Variants in SLIT2 observed in about 807,000 individuals in gnomAD.
SLIT2 encodes the protein slit guidance ligand 2.
A neutral mutation model predicts 185.7 loss-of-function variants in SLIT2; 41 were observed. The ratio of observed to expected loss-of-function variants is 0.22; its 90% CI spans 0.17 to 0.29. SLIT2 has a LOEUF of 0.29. Ranked by LOEUF, SLIT2 falls within the 10% of genes least tolerant of loss-of-function variation. SLIT2 has a pLI of 1.00. For synonymous variants in SLIT2, 693 were observed against 680.2 expected (o/e 1.02, Z -0.29); for missense variants, 1,571 against 1,909.0 (o/e 0.82, Z 3.30).
At chr4:20,341,159 A>G (rs1720932176) in intron 4 of SLIT2, among the ~76,000 whole-genome samples, 1 of 152,210 alleles carries the variant, frequency 6.6e-6, no homozygotes, top group African/African-American at 2.4e-5. Context: ...GGAGTATTTG[A>G]AAGTATATTG....
intron 4 of SLIT2, among the ~76,000 whole-genome samples, chr4:20,330,953 T>C (rs1212411904): frequency 6.6e-6 from 1 of 152,100 alleles, no homozygotes; most frequent in South Asian, 2.1e-4. Flanking sequence ...TTAATTGCAG[T>C]TCTCTTCAAA....
intron 19 of SLIT2, among the ~76,000 whole-genome samples, 178 bp from the exon 20 acceptor site, chr4:20,541,275 C>A (rs987261232): frequency 2.9e-4 from 44 of 149,206 alleles, no homozygotes; most frequent in African/African-American, 1.0e-3. Context: ...AATATTTTAT[C>A]AAAAAAAAAA....
At chr4:20,318,896 A>G (rs1157786751) in intron 4 of SLIT2, among the ~76,000 whole-genome samples, 1 of 152,134 alleles carries the variant, frequency 6.6e-6, no homozygotes, top group Non-Finnish European at 1.5e-5. Context: ...CTTCTTACGT[A>G]TGGTTAAGTA....
At chr4:20,432,086 A>C (rs1729039527) in intron 4 of SLIT2, among the ~76,000 whole-genome samples, 1 of 152,014 alleles carries the variant, frequency 6.6e-6, no homozygotes, top group Non-Finnish European at 1.5e-5. Context: ...GGAAGGAAGG[A>C]AGGAATACAG....
chr4:20,461,605 A>AG (rs1224594262), intron 4 of SLIT2, among the ~76,000 whole-genome samples: 1 of 152,182 alleles, frequency 6.6e-6, no homozygotes, highest in African/African-American at 2.4e-5. Flanking sequence ...ATGAGATGGT[A>AG]GGTGCGATCA....
chr4:20,325,670 A>G (rs1332088086), intron 4 of SLIT2, among the ~76,000 whole-genome samples: 1 of 152,076 alleles, frequency 6.6e-6, no homozygotes, highest in East Asian at 1.9e-4. Context: ...AACTTCATCA[A>G]AGTTTGTTTT....
chr4:20,595,597 T>G lies in SLIT2; in HGVS notation c.3183-100T>G. On this transcript the variant is annotated intron_variant, in intron 30 of 36. Transcript: ENST00000504154. ...GGGGGCTCTATGAGCCTATTCTAAA[T>G]AAGTATTTTAAAGATGGTGCCATTG... The G allele has an allele frequency of 4.1e-6, 6 of 1,448,598 alleles. No homozygotes were observed. The South Asian group carries it at 7.5e-5, about 18-fold the overall frequency. The allele number at this position is 1,448,598 out of a possible 1,614,324, so 89.7% of individuals were successfully genotyped here. A position where few individuals can be genotyped will look rare whatever the true frequency, so the allele number is the denominator to read the frequency against.
chr4:20,315,895 T>C (rs190653497), intron 4 of SLIT2, among the ~76,000 whole-genome samples: 2 of 152,196 alleles, frequency 1.3e-5, no homozygotes, highest in East Asian at 3.9e-4. Context: ...TTATTACATA[T>C]TAATTCATAT....
At chr4:20,430,881 A>G (rs1347530451) in intron 4 of SLIT2, among the ~76,000 whole-genome samples, 6 of 152,180 alleles carry the variant, frequency 3.9e-5, no homozygotes, top group Non-Finnish European at 7.4e-5. Context: ...ATTGAGATCC[A>G]TATCTACATG....
intron 21 of SLIT2, among the ~76,000 whole-genome samples, chr4:20,544,698 A>C (rs1479562163): frequency 6.6e-6 from 1 of 152,158 alleles, no homozygotes; most frequent in Non-Finnish European, 1.5e-5. Flanking sequence ...GGCAAAAATT[A>C]GTATTATTGG....
At chr4:20,308,221 A>C (rs913896649) in intron 4 of SLIT2, among the ~76,000 whole-genome samples, 1 of 152,146 alleles carries the variant, frequency 6.6e-6, no homozygotes, top group African/African-American at 2.4e-5. Context: ...GAAGGAGTCT[A>C]CCATTCAGAA....
At chr4:20,323,490 A>G (rs955784949) in intron 4 of SLIT2, among the ~76,000 whole-genome samples, 2 of 152,228 alleles carry the variant, frequency 1.3e-5, no homozygotes, top group Admixed American at 6.5e-5. Flanking sequence ...AAGAAATTTT[A>G]TCATTAAGGC....
At chr4:20,575,436 GTT>G (rs143655535) in intron 29 of SLIT2, among the ~76,000 whole-genome samples, 8,479 of 152,214 alleles carry the variant, frequency 0.056, 346 homozygotes, top group East Asian at 0.14. Flanking sequence ...GAACTCTGCA[GTT>G]TATGTGAACA....
At chr4:20,485,555 G>A (rs1312593195) in intron 6 of SLIT2, among the ~76,000 whole-genome samples, 1 of 152,052 alleles carries the variant, frequency 6.6e-6, no homozygotes. Flanking sequence ...GTAAACAAAG[G>A]TGAATATGCT....
intron 4 of SLIT2, among the ~76,000 whole-genome samples, chr4:20,326,680 A>G (rs907796525): frequency 2.7e-5 from 4 of 147,898 alleles, no homozygotes; most frequent in African/African-American, 1.0e-4. Context: ...TCTTGGAATT[A>G]TCTACTCAGT....
intron 4 of SLIT2, among the ~76,000 whole-genome samples, chr4:20,450,164 C>G (rs1010616180): frequency 2.0e-5 from 3 of 152,076 alleles, no homozygotes; most frequent in Non-Finnish European, 2.9e-5. Flanking sequence ...TTTGATGATG[C>G]TTCTTTTATC....
At chr4:20,278,391 A>G (rs1313117995) in intron 4 of SLIT2, among the ~76,000 whole-genome samples, 1 of 152,162 alleles carries the variant, frequency 6.6e-6, no homozygotes, top group Non-Finnish European at 1.5e-5. Context: ...ACAAAACACT[A>G]CTGAGCAATT....
intron 26 of SLIT2, among the ~76,000 whole-genome samples, chr4:20,560,457 G>A (rs7692811): frequency 0.069 from 10,539 of 151,816 alleles, 659 homozygotes; most frequent in African/African-American, 0.16. Context: ...CCCAGATAGA[G>A]CATCCCTGAG....
intron 5 of SLIT2, among the ~76,000 whole-genome samples, chr4:20,472,611 T>G (rs56093541): frequency 0.12 from 1,028 of 8,304 alleles, 378 homozygotes; most frequent in East Asian, 0.47. Flanking sequence ...TAGATATATC[T>G]ATATATATCG....
Sources: allele counts gnomAD v4.1 joint callset (sites outside exome capture counted in the v4.1 genomes callset), GRCh38; gene constraint gnomAD v4.1.1; transcripts MANE v1.5; gene names NCBI Gene and HGNC (gene_info 2026-07-23, HGNC 2026-07-21).